DCC: variants seen among roughly 807,000 people sequenced by gnomAD.
The protein encoded by DCC is netrin receptor DCC.
Under a neutral mutation model 172.5 loss-of-function variants are expected in DCC, and 58 were observed. That is an observed-to-expected ratio of 0.34 (90% CI 0.27 to 0.42). The LOEUF (loss-of-function observed/expected upper bound fraction) is 0.42. Ranked by LOEUF, DCC falls within the 10% of genes least tolerant of loss-of-function variation. The probability of loss-of-function intolerance (pLI) is 1.00; values close to 1 mark genes in which losing one functional copy is unlikely to be tolerated. For missense variants in DCC, 1,740 were observed against 1,791.0 expected (o/e 0.97, Z 0.51); for synonymous variants, 709 against 644.5 (o/e 1.10, Z -1.52).
At chr18:52,787,586 T>G (rs1387293101) in intron 2 of DCC, among the ~76,000 whole-genome samples, 1 of 152,050 alleles carries the variant, frequency 6.6e-6, no homozygotes, top group Non-Finnish European at 1.5e-5. Flanking sequence ...TGTACATCAT[T>G]TTGGCAATCC....
At chr18:52,962,192 T>A (rs998604024) in intron 5 of DCC, among the ~76,000 whole-genome samples, 2 of 150,996 alleles carry the variant, frequency 1.3e-5, no homozygotes, top group Admixed American at 6.6e-5. Context: ...TGGGAGAAAA[T>A]TTTCACAACC....
chr18:53,137,995 T>A (rs116187413), intron 7 of DCC, among the ~76,000 whole-genome samples: 6,280 of 151,370 alleles, frequency 0.041, 207 homozygotes, highest in African/African-American at 0.087. Context: ...GTTTTTTTTT[T>A]AAATTTTTGT....
intron 24 of DCC, among the ~76,000 whole-genome samples, chr18:53,465,361 C>G (rs72918232): frequency 1.3e-5 from 2 of 151,950 alleles, no homozygotes; most frequent in African/African-American, 2.4e-5. Context: ...ATTGTTAACC[C>G]AATTCTGTTT....
At chr18:53,244,236 A>T (rs1459897221) in intron 12 of DCC, among the ~76,000 whole-genome samples, 1 of 152,120 alleles carries the variant, frequency 6.6e-6, no homozygotes. Flanking sequence ...TTCCCTTTAA[A>T]ATAGGGATCA....
At chr18:53,023,207 C>T (rs2041905669) in intron 5 of DCC, among the ~76,000 whole-genome samples, 1 of 151,334 alleles carries the variant, frequency 6.6e-6, no homozygotes, top group South Asian at 2.1e-4. Context: ...TATATAACCA[C>T]AAAAATTGTT....
At chr18:52,380,100 A>G (rs1985521375) in intron 1 of DCC, among the ~76,000 whole-genome samples, 2 of 152,044 alleles carry the variant, frequency 1.3e-5, no homozygotes, top group Non-Finnish European at 2.9e-5. Context: ...AAAAGGCAAA[A>G]TGGACCTAAG....
At chr18:52,474,289 G>T (rs1989034011) in intron 1 of DCC, among the ~76,000 whole-genome samples, 1 of 151,752 alleles carries the variant, frequency 6.6e-6, no homozygotes, top group Non-Finnish European at 1.5e-5. Flanking sequence ...TGGTTTAAAG[G>T]TGGAGGGGAA....
At chr18:52,568,477 T>G (rs747041478) in intron 1 of DCC, among the ~76,000 whole-genome samples, 1 of 152,178 alleles carries the variant, frequency 6.6e-6, no homozygotes, top group Non-Finnish European at 1.5e-5. Context: ...AGTTGTTAAA[T>G]GAGCTTTTAT....
At chr18:53,076,125 G>A (rs2042722178) in intron 7 of DCC, among the ~76,000 whole-genome samples, 1 of 152,138 alleles carries the variant, frequency 6.6e-6, no homozygotes, top group African/African-American at 2.4e-5. Flanking sequence ...TGCCAGGATA[G>A]TATCCTGCCT....
At chr18:53,091,938 A>G (rs1049443228) in intron 7 of DCC, among the ~76,000 whole-genome samples, 5 of 151,892 alleles carry the variant, frequency 3.3e-5, no homozygotes, top group African/African-American at 9.7e-5. Flanking sequence ...TCTGAATACC[A>G]TTGGCTAGCA....
At chr18:52,452,551 C>T (rs1301813848) in intron 1 of DCC, among the ~76,000 whole-genome samples, 1 of 152,174 alleles carries the variant, frequency 6.6e-6, no homozygotes. Context: ...GGGGAAGATG[C>T]TTTTACATCT....
chr18:52,745,460 T>G (rs921679124), intron 1 of DCC, among the ~76,000 whole-genome samples: 1 of 152,228 alleles, frequency 6.6e-6, no homozygotes, highest in Non-Finnish European at 1.5e-5. Flanking sequence ...TGGGTAGGTA[T>G]GGGGCAGGGC....
intron 18 of DCC, among the ~76,000 whole-genome samples, chr18:53,398,029 A>C (rs1379985193): frequency 1.3e-5 from 2 of 152,154 alleles, no homozygotes; most frequent in Non-Finnish European, 2.9e-5. Context: ...TTTACTGGTC[A>C]CATTTACTAT....
chr18:52,469,030 G>GATTTATTTATTT (rs3086373), intron 1 of DCC, among the ~76,000 whole-genome samples: 1 of 145,670 alleles, frequency 6.9e-6, no homozygotes. Flanking sequence ...AAACAATTTT[G>GATTTATTTATTT]ATTTATTTAT....
chr18:52,581,440 T>G (rs189101062), intron 1 of DCC, among the ~76,000 whole-genome samples: 4 of 152,176 alleles, frequency 2.6e-5, no homozygotes, highest in Admixed American at 2.6e-4. Context: ...ATTATATTTA[T>G]TTTTACTCCC....
At chr18:53,117,009 A>AT (rs568926355) in intron 7 of DCC, among the ~76,000 whole-genome samples, 2 of 151,796 alleles carry the variant, frequency 1.3e-5, no homozygotes, top group Admixed American at 6.6e-5. Flanking sequence ...ACATTGAACT[A>AT]TTTTTTAGAT....
At chr18:53,146,270 AAAAAG>A (rs1458577720) in intron 7 of DCC, among the ~76,000 whole-genome samples, 5 of 152,212 alleles carry the variant, frequency 3.3e-5, no homozygotes, top group African/African-American at 1.2e-4. Context: ...ATTTATGAAA[AAAAAG>A]AAATTTATTT....
chr18:52,980,912 T>G (rs1238171454), intron 5 of DCC, among the ~76,000 whole-genome samples: 2 of 150,746 alleles, frequency 1.3e-5, no homozygotes, highest in Non-Finnish European at 3.0e-5. Flanking sequence ...GTCACAAACC[T>G]TCTAATTGTT....
At chr18:52,701,911 G>T (rs914071670) in intron 1 of DCC, among the ~76,000 whole-genome samples, 1 of 152,160 alleles carries the variant, frequency 6.6e-6, no homozygotes, top group African/African-American at 2.4e-5. Context: ...ATTGCTCCTT[G>T]TGTAACAGCA....
Sources: gnomAD v4.1 joint callset for allele counts (sites outside exome capture counted in the v4.1 genomes callset) on GRCh38, gnomAD v4.1.1 for gene constraint, MANE v1.5 for transcripts, NCBI Gene and HGNC (gene_info 2026-07-23, HGNC 2026-07-21) for gene names.